Variants in KCMF1 observed in about 807,000 individuals in gnomAD.
KCMF1 encodes potassium channel modulatory factor 1, also known as E3 ubiquitin-protein ligase KCMF1.
In KCMF1, 3 loss-of-function variants were observed where a neutral mutation model predicts 41.1. That is an observed-to-expected ratio of 0.07 (90% CI 0.03 to 0.19). The LOEUF is 0.19. Ranked by LOEUF, KCMF1 falls within the 10% of genes least tolerant of loss-of-function variation. The pLI is 1.00. For missense variants in KCMF1, 286 were observed against 488.9 expected (o/e 0.58, Z 3.91); for synonymous variants, 142 against 164.5 (o/e 0.86, Z 1.04).
At chr2:84,981,343 C>CTA in intron 1 of KCMF1, among the ~76,000 whole-genome samples, 1 of 151,986 alleles carries the variant, frequency 6.6e-6, no homozygotes, top group Non-Finnish European at 1.5e-5. Flanking sequence ...GCACCTGCCA[C>CTA]CGCTCCCGGC....
chr2:84,974,691 ATTTTTTTTTT>A (rs869056943), intron 1 of KCMF1, among the ~76,000 whole-genome samples: 61 of 14,646 alleles, frequency 4.2e-3, no homozygotes, highest in Admixed American at 7.2e-3. Context: ...ATATATATAT[ATTTTTTTTTT>A]TTTTTTTTTT....
chr2:85,026,030 G>C (rs778995918), intron 1 of KCMF1, among the ~76,000 whole-genome samples: 1 of 150,726 alleles, frequency 6.6e-6, no homozygotes, highest in Non-Finnish European at 1.5e-5. Flanking sequence ...TCACTCTGTC[G>C]CCTAGGCTGG....
At chr2:84,987,852 G>A (rs1673941820) in intron 1 of KCMF1, among the ~76,000 whole-genome samples, 1 of 152,156 alleles carries the variant, frequency 6.6e-6, no homozygotes, top group Non-Finnish European at 1.5e-5. Flanking sequence ...CTTGTGTATT[G>A]ACTTGGAAGA....
intron 1 of KCMF1, among the ~76,000 whole-genome samples, chr2:84,998,770 T>C (rs989327092): frequency 5.0e-5 from 6 of 119,406 alleles, no homozygotes; most frequent in Non-Finnish European, 7.4e-5. Flanking sequence ...GCCCAATTAA[T>C]TTTTTTTTTT....
chr2:85,059,187 T>C lies in KCMF1; in HGVS notation c.*5778T>C, dbSNP rs1676007449. The C allele has an allele frequency of 6.6e-6, 1 of 152,138 alleles. No individual in the cohort carries two copies. Among genetic ancestry groups the C allele is most frequent in the Non-Finnish European group, 1.5e-5 (1 of 68,026 alleles). 9.4% of individuals were successfully genotyped at this position (152,138 alleles called of 1,614,324 possible). ...CCTTTCATGACAATTAACAAGACAC[T>C]AGTTTCCCCATAAAAGTCCATTTTT... On this transcript the variant is annotated 3_prime_UTR_variant, in exon 7 of 7. Transcript: ENST00000409785.
At chr2:84,988,307 C>G (rs1444136620) in intron 1 of KCMF1, among the ~76,000 whole-genome samples, 2 of 151,958 alleles carry the variant, frequency 1.3e-5, no homozygotes, top group African/African-American at 4.8e-5. Context: ...AGGGGAGAAA[C>G]TAATATTAAC....
Position 84,971,435 on chromosome 2 carries a change from C to G in KCMF1, c.-17C>G. On this transcript the variant is annotated 5_prime_UTR_variant, in exon 1 of 7. Coordinates refer to ENST00000409785, the MANE Select transcript of KCMF1 (RefSeq NM_020122.5). ...CCGGAGCCCGGGAGGGGCCGCGCCG[C>G]CACCGTCTGAACTAGGATGTCCCGA... The G allele has an allele frequency of 7.9e-7, 1 of 1,260,854 alleles. No individual in the cohort carries two copies. The highest frequency in any genetic ancestry group is 1.9e-5 in the South Asian group (1 of 51,862). 78.1% of individuals were successfully genotyped at this position (1,260,854 alleles called of 1,614,324 possible).
chr2:85,033,904 C>T (rs531380178), intron 2 of KCMF1, among the ~76,000 whole-genome samples: 145 of 151,990 alleles, frequency 9.5e-4, no homozygotes, highest in Non-Finnish European at 1.8e-3. Context: ...TGTGACAGGC[C>T]AGGCGTGGTG....
chr2:85,045,247 T>C (rs185925977), intron 4 of KCMF1, among the ~76,000 whole-genome samples: 10 of 151,630 alleles, frequency 6.6e-5, no homozygotes, highest in Admixed American at 2.0e-4. Context: ...TCAAGATACA[T>C]ATATATATGT....
intron 2 of KCMF1, among the ~76,000 whole-genome samples, chr2:85,028,483 CTTTTTTTTTTT>C (rs398042498): frequency 6.3e-5 from 3 of 47,268 alleles, no homozygotes; most frequent in African/African-American, 9.8e-5. Context: ...CTGTGCCTGG[CTTTTTTTTTTT>C]TTTTTTTTTT....
At chr2:85,049,869 G>GCTCACACCTGTAATCCCAGCAC (rs1253972854) in intron 6 of KCMF1, among the ~76,000 whole-genome samples, 2 of 152,076 alleles carry the variant, frequency 1.3e-5, no homozygotes, top group East Asian at 1.9e-4. Context: ...AGACCCAGTG[G>GCTCACACCTGTAATCCCAGCAC]CTCACACCTG....
chr2:84,989,630 C>T (rs1673988571), intron 1 of KCMF1, among the ~76,000 whole-genome samples: 1 of 152,052 alleles, frequency 6.6e-6, no homozygotes, highest in Non-Finnish European at 1.5e-5. Flanking sequence ...ATCTGGTGAT[C>T]GATTAAGCAT....
intron 1 of KCMF1, among the ~76,000 whole-genome samples, chr2:84,982,053 G>C (rs1673771226): frequency 6.6e-6 from 1 of 152,172 alleles, no homozygotes; most frequent in East Asian, 1.9e-4. Context: ...AATGTGCTGG[G>C]ATTACAGGCG....
At chr2:85,002,067 A>G (rs1458119543) in intron 1 of KCMF1, among the ~76,000 whole-genome samples, 1 of 152,238 alleles carries the variant, frequency 6.6e-6, no homozygotes, top group African/African-American at 2.4e-5. Flanking sequence ...TAACCATGGT[A>G]GGCTTTGGCA....
rs1437805152 is a variant in KCMF1 at position 85,049,400 on chromosome 2, T to C, written c.636T>C (p.Ser212=). The change falls in exon 6 of 7, where the codon TCT becomes TCC. Residue 212 remains serine, a synonymous_variant. Transcript: ENST00000409785. ...LLSQLSGVRR[S]AGGQLNSSGP... ...CTCAGTTATCAGGAGTGAGACGTTC[T>C]GCAGGAGGACAGCTTAATTCCTCTG... 3 of 1,613,880 alleles carry C rather than the reference T, an allele frequency of 1.9e-6. No homozygotes were observed. In the African/African-American group the frequency reaches 4.0e-5, roughly 22 times the overall value.
intron 1 of KCMF1, among the ~76,000 whole-genome samples, chr2:84,973,461 C>G (rs1232907962): frequency 6.6e-6 from 1 of 152,146 alleles, no homozygotes; most frequent in African/African-American, 2.4e-5. Context: ...AGTAGCACAC[C>G]TTTCCTAGTA....
intron 2 of KCMF1, among the ~76,000 whole-genome samples, chr2:85,033,474 C>T (rs1394519208): frequency 1.3e-5 from 2 of 152,166 alleles, no homozygotes; most frequent in Non-Finnish European, 2.9e-5. Flanking sequence ...GATTGTTCAG[C>T]TTCATCTGGT....
chr2:84,999,065 A>G (rs2103987523), intron 1 of KCMF1, among the ~76,000 whole-genome samples: 1 of 133,414 alleles, frequency 7.5e-6, no homozygotes, highest in Non-Finnish European at 1.6e-5. Context: ...CATCCATCCA[A>G]GACGTAGTCT....
chr2:84,988,663 G>A (rs528247376), intron 1 of KCMF1, among the ~76,000 whole-genome samples: 21 of 152,304 alleles, frequency 1.4e-4, no homozygotes, highest in Non-Finnish European at 2.8e-4. Flanking sequence ...TTACAAATTA[G>A]GAAGTTGAGT....
Sources: gnomAD v4.1 joint callset for allele counts (sites outside exome capture counted in the v4.1 genomes callset) on GRCh38, gnomAD v4.1.1 for gene constraint, MANE v1.5 for transcripts, NCBI Gene and HGNC (gene_info 2026-07-23, HGNC 2026-07-21) for gene names.